The following ACTR3C variants were observed in gnomAD, a reference collection of about 807,000 sequenced individuals.
ACTR3C encodes actin related protein 3C.
ACTR3C carries 18 observed loss-of-function variants against 26.3 expected under a neutral mutation model. The ratio of observed to expected loss-of-function variants is 0.68; its 90% CI spans 0.47 to 1.01. The LOEUF is 1.01. Among genes scored for constraint, ACTR3C ranks in the 50% least tolerant of loss-of-function variants. The pLI is 0.00. For synonymous variants in ACTR3C, 55 were observed against 94.5 expected (o/e 0.58, Z 2.42); for missense variants, 184 against 250.7 (o/e 0.73, Z 1.80).
the ACTR3C span, among the ~76,000 whole-genome samples, chr7:150,066,495 C>G: frequency 5.2e-4 from 79 of 152,344 alleles, no homozygotes; most frequent in African/African-American, 1.8e-3. Context: ...ATACCTCTAT[C>G]TTTAGGTGAA....
chr7:150,311,498 CCCT>C (rs1250131625), intron 1 of ACTR3C, among the ~76,000 whole-genome samples: 2 of 152,178 alleles, frequency 1.3e-5, no homozygotes, highest in Non-Finnish European at 2.9e-5. Context: ...TACTGTCTGC[CCCT>C]CGACTCCTCC....
At chr7:149,978,155 A>C in the ACTR3C span, among the ~76,000 whole-genome samples, 1 of 152,160 alleles carries the variant, frequency 6.6e-6, no homozygotes, top group Non-Finnish European at 1.5e-5. Context: ...CCTATATCCC[A>C]TACGTGATGT....
intron 6 of ACTR3C, among the ~76,000 whole-genome samples, chr7:150,265,282 T>A (rs191192623): frequency 0.014 from 2,134 of 152,172 alleles, 16 homozygotes; most frequent in Admixed American, 0.022. Context: ...CTAGTTTTTT[T>A]AAATCACTAT....
chr7:150,233,033 A>T, the ACTR3C span, among the ~76,000 whole-genome samples: 8 of 152,122 alleles, frequency 5.3e-5, no homozygotes, highest in African/African-American at 1.9e-4. Context: ...ATTTTCTTTT[A>T]CCTTTATTTA....
chr7:150,075,526 T>C, the ACTR3C span, among the ~76,000 whole-genome samples: 1 of 152,170 alleles, frequency 6.6e-6, no homozygotes, highest in South Asian at 2.1e-4. Context: ...TAGCCCAAAG[T>C]GTTAAATACT....
the ACTR3C span, among the ~76,000 whole-genome samples, chr7:149,907,478 T>TCTCTCTCTCTC: frequency 6.3e-3 from 611 of 97,632 alleles, 9 homozygotes; most frequent in African/African-American, 0.011. Context: ...CTCTCTTCTC[T>TCTCTCTCTCTC]TCTCTCTCTC....
chr7:149,898,979 C>T, the ACTR3C span, among the ~76,000 whole-genome samples: 1 of 151,996 alleles, frequency 6.6e-6, no homozygotes, highest in Non-Finnish European at 1.5e-5. Flanking sequence ...ACCACAGTCC[C>T]CACTTCCACC....
At chr7:149,965,856 A>G in the ACTR3C span, among the ~76,000 whole-genome samples, 5 of 152,172 alleles carry the variant, frequency 3.3e-5, no homozygotes, top group African/African-American at 4.8e-5. Context: ...ACTTTTGGAA[A>G]GCAGAGATCT....
intron 1 of ACTR3C, among the ~76,000 whole-genome samples, chr7:150,314,783 A>C (rs1796683399): frequency 6.7e-6 from 1 of 149,198 alleles, no homozygotes; most frequent in Admixed American, 6.7e-5. Context: ...AAAAAAAAAA[A>C]AAAACAACAA....
the ACTR3C span, among the ~76,000 whole-genome samples, chr7:149,939,269 C>T: frequency 1.3e-5 from 2 of 152,230 alleles, no homozygotes; most frequent in African/African-American, 4.8e-5. Context: ...CATGAGCCAC[C>T]GCACCCGGCC....
At chr7:149,902,952 AG>A in the ACTR3C span, among the ~76,000 whole-genome samples, 501 of 26,128 alleles carry the variant, frequency 0.019, 46 homozygotes, top group African/African-American at 0.026. Flanking sequence ...AAAAAAAAAA[AG>A]AAAGAAAGAG....
At chr7:150,039,744 C>T in the ACTR3C span, among the ~76,000 whole-genome samples, 1 of 143,508 alleles carries the variant, frequency 7.0e-6, no homozygotes, top group Non-Finnish European at 1.5e-5. Flanking sequence ...GCGGGGGGTG[C>T]CTCCCCCTCC....
the ACTR3C span, among the ~76,000 whole-genome samples, chr7:150,034,262 A>G: frequency 6.9e-6 from 1 of 145,734 alleles, no homozygotes; most frequent in African/African-American, 2.6e-5. Context: ...GCAACTAAAA[A>G]CCTAGTTGTT....
the ACTR3C span, among the ~76,000 whole-genome samples, chr7:150,193,336 T>C: frequency 6.6e-6 from 1 of 151,994 alleles, no homozygotes; most frequent in Non-Finnish European, 1.5e-5. Context: ...GTTACAGGTT[T>C]ATCAATTTTA....
chr7:150,090,533 C>G, the ACTR3C span, among the ~76,000 whole-genome samples: 667 of 151,672 alleles, frequency 4.4e-3, 28 homozygotes, highest in South Asian at 0.092. Flanking sequence ...CAAGCTAAGT[C>G]GGATGGGCCT....
At chr7:149,907,514 C>CTCTCTCTCT in the ACTR3C span, among the ~76,000 whole-genome samples, 4 of 149,748 alleles carry the variant, frequency 2.7e-5, no homozygotes, top group African/African-American at 9.9e-5. Context: ...CTCTCTCTCT[C>CTCTCTCTCT]AACAAACTCA....
chr7:149,997,944 T>A, the ACTR3C span, among the ~76,000 whole-genome samples: 45,654 of 147,484 alleles, frequency 0.31, 8,895 homozygotes, highest in Non-Finnish European at 0.39. Flanking sequence ...GAAGTGGACA[T>A]TTACTAGTGC....
At chr7:149,938,318 T>G in the ACTR3C span, among the ~76,000 whole-genome samples, 39 of 152,154 alleles carry the variant, frequency 2.6e-4, no homozygotes, top group Non-Finnish European at 4.7e-4. Flanking sequence ...ACTAAATGAA[T>G]AAACGTTTAA....
chr7:150,018,517 C>CA, the ACTR3C span, among the ~76,000 whole-genome samples: 1 of 148,852 alleles, frequency 6.7e-6, no homozygotes, highest in Non-Finnish European at 1.5e-5. Context: ...AGTCTAAAAC[C>CA]AGGTGGGTTT....
Sources: allele counts gnomAD v4.1 joint callset (sites outside exome capture counted in the v4.1 genomes callset), GRCh38; gene constraint gnomAD v4.1.1; transcripts MANE v1.5; gene names NCBI Gene and HGNC (gene_info 2026-07-23, HGNC 2026-07-21).